The following PHACTR1 variants were observed in gnomAD, a reference collection of about 807,000 sequenced individuals.
The protein encoded by PHACTR1 is RPEL repeat containing 1.
In PHACTR1, 16 loss-of-function variants were observed where a neutral mutation model predicts 69.2. That is an observed-to-expected ratio of 0.23 (90% CI 0.16 to 0.35). The LOEUF is 0.35. Ranked by LOEUF, PHACTR1 falls within the 10% of genes least tolerant of loss-of-function variation. The pLI, the probability that PHACTR1 is intolerant of heterozygous loss-of-function variation, is 1.00. For synonymous variants in PHACTR1, 312 were observed against 284.5 expected (o/e 1.10, Z -0.97); for missense variants, 510 against 734.7 (o/e 0.69, Z 3.54).
chr6:12,871,853 T>C (rs1156379541), intron 4 of PHACTR1, among the ~76,000 whole-genome samples: 3 of 152,118 alleles, frequency 2.0e-5, no homozygotes, highest in Non-Finnish European at 4.4e-5. Context: ...TTCCTCTGCA[T>C]TGATTAGCTG....
intron 4 of PHACTR1, among the ~76,000 whole-genome samples, chr6:12,779,085 C>T (rs1770470556): frequency 6.6e-6 from 1 of 152,172 alleles, no homozygotes; most frequent in Admixed American, 6.5e-5. Context: ...CCTGTAATCC[C>T]AGCACTTTGA....
chr6:13,203,432 G>A (rs556631432), intron 7 of PHACTR1, among the ~76,000 whole-genome samples: 6 of 152,304 alleles, frequency 3.9e-5, no homozygotes, highest in East Asian at 1.9e-4. Context: ...GGATTAAACC[G>A]GTTAGAATAC....
chr6:12,739,157 C>G (rs1461273722), intron 3 of PHACTR1, among the ~76,000 whole-genome samples: 6 of 152,150 alleles, frequency 3.9e-5, no homozygotes, highest in Non-Finnish European at 8.8e-5. Context: ...TAACTGTCCA[C>G]AGCAAGAAGC....
intron 4 of PHACTR1, among the ~76,000 whole-genome samples, chr6:12,791,380 A>G (rs1772250999): frequency 6.6e-6 from 1 of 152,158 alleles, no homozygotes; most frequent in South Asian, 2.1e-4. Flanking sequence ...GATCAGCCCA[A>G]TAGTTCAGAG....
intron 4 of PHACTR1, among the ~76,000 whole-genome samples, chr6:12,757,104 G>A (rs185863915): frequency 5.9e-5 from 9 of 152,328 alleles, no homozygotes; most frequent in Admixed American, 2.0e-4. Flanking sequence ...CAGACTAAGA[G>A]GGTACGGCAT....
chr6:13,077,569 G>A (rs1206546263), intron 5 of PHACTR1, among the ~76,000 whole-genome samples: 3 of 152,190 alleles, frequency 2.0e-5, no homozygotes, highest in African/African-American at 7.2e-5. Flanking sequence ...TATAAGTTGG[G>A]TTTAGACATG....
At chr6:13,151,977 A>C (rs187372483) in intron 5 of PHACTR1, among the ~76,000 whole-genome samples, 34 of 152,196 alleles carry the variant, frequency 2.2e-4, no homozygotes, top group African/African-American at 7.5e-4. Flanking sequence ...TTTTTAACAA[A>C]TTCATCTAAC....
intron 3 of PHACTR1, among the ~76,000 whole-genome samples, chr6:12,739,529 T>TAAA (rs1329592485): frequency 6.6e-6 from 1 of 152,086 alleles, no homozygotes; most frequent in African/African-American, 2.4e-5. Context: ...AAGCTTTTTA[T>TAAA]AAATAAATAA....
At chr6:13,193,563 A>AT (rs1763929862) in intron 7 of PHACTR1, among the ~76,000 whole-genome samples, 1 of 150,450 alleles carries the variant, frequency 6.6e-6, no homozygotes, top group South Asian at 2.1e-4. Flanking sequence ...ATTTTTTAAA[A>AT]TTTTTTTAGA....
At chr6:12,965,671 C>T (rs116821451) in intron 4 of PHACTR1, among the ~76,000 whole-genome samples, 3,070 of 152,090 alleles carry the variant, frequency 0.02, 103 homozygotes, top group African/African-American at 0.071. Context: ...GTGTTAAATC[C>T]GGCATGGTTC....
At chr6:12,743,711 A>G (rs1345714368) in intron 3 of PHACTR1, among the ~76,000 whole-genome samples, 1 of 152,174 alleles carries the variant, frequency 6.6e-6, no homozygotes, top group Non-Finnish European at 1.5e-5. Flanking sequence ...ATAATGGGAG[A>G]CTTTAACACT....
At chr6:13,225,925 T>C (rs1389858363) in intron 8 of PHACTR1, among the ~76,000 whole-genome samples, 1 of 152,208 alleles carries the variant, frequency 6.6e-6, no homozygotes, top group Non-Finnish European at 1.5e-5. Flanking sequence ...CTGTCACTGA[T>C]AAAAGGGCTG....
chr6:13,157,848 T>C (rs1057266146), intron 5 of PHACTR1, among the ~76,000 whole-genome samples: 1 of 152,186 alleles, frequency 6.6e-6, no homozygotes, highest in Non-Finnish European at 1.5e-5. Flanking sequence ...CTTCTTCCGC[T>C]GTGCTGCTGT....
rs889162542 is a variant in PHACTR1, at chr6:13,182,529, C to G, written c.507C>G (p.Leu169=). ...LKEIYDKDGE[L]SISNEEDSLE... The stretch of plus-strand genomic sequence containing the variant: ...TTTTCTCTCTGACAGATGGGGAACT[C>G]TCTATATCCAATGAAGAGGACTCCC... Residue 169 remains leucine, a synonymous_variant, in exon 7 of 15, where the codon CTC becomes CTG. Transcript: ENST00000332995. 13 of 1,613,782 alleles carry G rather than the reference C, an allele frequency of 8.1e-6. No individual in the cohort carries two copies. Among genetic ancestry groups the G allele is most frequent in the African/African-American group, 1.3e-5 (1 of 74,916 alleles).
At chr6:13,053,720 A>G (rs1806341081) in intron 5 of PHACTR1, among the ~76,000 whole-genome samples, 191 bp downstream of exon 5, 1 of 152,168 alleles carries the variant, frequency 6.6e-6, no homozygotes, top group African/African-American at 2.4e-5. Flanking sequence ...GTTTTCTCCT[A>G]TCTCATGATT....
At chr6:12,746,626 A>T (rs1765815393) in intron 3 of PHACTR1, among the ~76,000 whole-genome samples, 1 of 152,276 alleles carries the variant, frequency 6.6e-6, no homozygotes, top group Non-Finnish European at 1.5e-5. Flanking sequence ...TTTCAATAAT[A>T]AAATAGCCTA....
At chr6:12,934,887 C>T (rs1036707375) in intron 4 of PHACTR1, among the ~76,000 whole-genome samples, 1 of 151,858 alleles carries the variant, frequency 6.6e-6, no homozygotes, top group Non-Finnish European at 1.5e-5. Flanking sequence ...CAGCTAATAA[C>T]CGGGTACACG....
At chr6:12,870,566 T>C (rs1473278879) in intron 4 of PHACTR1, among the ~76,000 whole-genome samples, 1 of 152,234 alleles carries the variant, frequency 6.6e-6, no homozygotes, top group Non-Finnish European at 1.5e-5. Flanking sequence ...TCTGTGTCTC[T>C]ACATCAGGCA....
intron 5 of PHACTR1, among the ~76,000 whole-genome samples, chr6:13,066,018 A>G (rs1808568302): frequency 6.6e-6 from 1 of 151,988 alleles, no homozygotes; most frequent in African/African-American, 2.4e-5. Flanking sequence ...ATTCATCATG[A>G]CCCACAAAGG....
Sources: allele counts gnomAD v4.1 joint callset (sites outside exome capture counted in the v4.1 genomes callset), GRCh38; gene constraint gnomAD v4.1.1; transcripts MANE v1.5; gene names NCBI Gene and HGNC (gene_info 2026-07-23, HGNC 2026-07-21).